The following NFIB variants were observed in gnomAD, a reference collection of about 807,000 sequenced individuals.
NFIB encodes nuclear factor 1 B-type.
Under a neutral mutation model 61.5 loss-of-function variants are expected in NFIB, and 11 were observed. The ratio of observed to expected loss-of-function variants is 0.18; its 90% CI spans 0.11 to 0.30. The LOEUF (loss-of-function observed/expected upper bound fraction) is 0.30. NFIB is among the 10% of genes least tolerant of loss of function. The pLI, the probability that NFIB is intolerant of heterozygous loss-of-function variation, is 1.00. For missense variants in NFIB, 471 were observed against 608.9 expected (o/e 0.77, Z 2.38); for synonymous variants, 260 against 216.5 (o/e 1.20, Z -1.76).
rs2038121870 is a variant in NFIB, at chr9:14,116,277, G to A, written c.1315C>T (p.His439Tyr). 1.3e-6 allele frequency: 2 copies of A among 1,538,196 alleles called. No homozygotes were observed. The highest frequency in any genetic ancestry group is 1.8e-6 in the Non-Finnish European group (2 of 1,140,090). The change falls in exon 9 of 11, where the codon CAT becomes TAT. Residue 439 changes from histidine (H) to tyrosine (Y), a missense_variant. By Grantham distance (83) the His-to-Tyr change is moderately conservative. Transcript: ENST00000380953. ...GTCACAGGTCGCACTGCACTGGGAT[G>A]GGGAGAGGGTGCCAAGACAGGAGTG... Reference protein sequence around the residue: ...HFTPVLAPSPHPSAVRPVTLS... With the variant: ...HFTPVLAPSPYPSAVRPVTLS...
upstream of NFIB, among the ~76,000 whole-genome samples, chr9:14,399,714 T>C (rs2061723573): frequency 6.6e-6 from 1 of 152,220 alleles, no homozygotes; most frequent in Non-Finnish European, 1.5e-5. Flanking sequence ...CTGGTTATTA[T>C]AGTCTTTACT....
chr9:14,375,181 T>C (rs1280483943), intron 1 of NFIB, among the ~76,000 whole-genome samples: 2 of 152,218 alleles, frequency 1.3e-5, no homozygotes, highest in Admixed American at 1.3e-4. Context: ...AGGGCTCATA[T>C]AGTGGTTCCT....
the NFIB span, among the ~76,000 whole-genome samples, chr9:14,454,321 A>C: frequency 6.6e-6 from 1 of 152,222 alleles, no homozygotes; most frequent in South Asian, 2.1e-4. Flanking sequence ...TTATGTTGCT[A>C]TTTAGCTGCA....
chr9:14,312,292 T>C (rs140732564), intron 1 of NFIB, among the ~76,000 whole-genome samples: 132 of 152,354 alleles, frequency 8.7e-4, no homozygotes, highest in African/African-American at 3.1e-3. Context: ...TAATTATTTG[T>C]CCATTATAAA....
chr9:14,182,630 T>C (rs1319585412), intron 2 of NFIB, among the ~76,000 whole-genome samples: 1 of 150,896 alleles, frequency 6.6e-6, no homozygotes, highest in Non-Finnish European at 1.5e-5. Context: ...CAAATTACTC[T>C]ATACCCAAAG....
At chr9:14,385,088 G>C (rs944658380) in intron 1 of NFIB, among the ~76,000 whole-genome samples, 1 of 152,180 alleles carries the variant, frequency 6.6e-6, no homozygotes, top group African/African-American at 2.4e-5. Flanking sequence ...CTCCTAGCAA[G>C]AGCTAACAAT....
At chr9:14,241,087 A>G (rs1202895924) in intron 2 of NFIB, among the ~76,000 whole-genome samples, 1 of 152,242 alleles carries the variant, frequency 6.6e-6, no homozygotes, top group Admixed American at 6.5e-5. Context: ...CATGGCAAGA[A>G]TACACTCAGG....
intron 1 of NFIB, among the ~76,000 whole-genome samples, chr9:14,380,658 C>T (rs970614296): frequency 6.6e-6 from 1 of 152,076 alleles, no homozygotes; most frequent in African/African-American, 2.4e-5. Flanking sequence ...CTGGACACCC[C>T]CCGCCTCTAT....
rs573625763 is a variant in NFIB, at chr9:14,085,191, A to T, written c.*3118T>A. The T allele has an allele frequency of 9.6e-5, 22 of 229,064 alleles. No individual in the cohort carries two copies. Among genetic ancestry groups the T allele is most frequent in the African/African-American group, 4.4e-4 (20 of 45,256 alleles). The allele number at this position is 229,064 out of a possible 1,614,324, so 14.2% of individuals were successfully genotyped here. ...CAAACTGAATGGGCTAATCAAATAC[A>T]ATTCTCCAGCCCATAAGCATTGTTC... is the stretch of plus-strand genomic sequence containing the variant. On this transcript the variant is annotated 3_prime_UTR_variant, in exon 11 of 11. Coordinates refer to ENST00000380953, the MANE Select transcript of NFIB (RefSeq NM_001190737.2).
chr9:14,131,646 T>C (rs2040423165), intron 6 of NFIB, among the ~76,000 whole-genome samples: 1 of 152,210 alleles, frequency 6.6e-6, no homozygotes, highest in African/African-American at 2.4e-5. Context: ...GCAGGGAAAG[T>C]GTGCAGAAAC....
intron 2 of NFIB, chr9:14,300,213 T>C: frequency 2.5e-6 from 1 of 398,514 alleles, no homozygotes; most frequent in Non-Finnish European, 4.4e-6. Flanking sequence ...GTGAGCATGA[T>C]CAGAAGGAAG....
At chr9:14,459,425 C>G in the NFIB span, among the ~76,000 whole-genome samples, 2 of 152,176 alleles carry the variant, frequency 1.3e-5, no homozygotes, top group African/African-American at 4.8e-5. Context: ...TAGAAGAAAA[C>G]CTAGGCAATA....
intron 2 of NFIB, among the ~76,000 whole-genome samples, chr9:14,296,494 A>T (rs900163613): frequency 7.2e-5 from 11 of 152,174 alleles, no homozygotes; most frequent in Non-Finnish European, 1.5e-4. Context: ...CTAACCCCCA[A>T]TCTGATGGTA....
chr9:14,155,932 C>T (rs749767317), intron 3 of NFIB, 39 bp from the exon 4 acceptor site: 2 of 1,287,800 alleles, frequency 1.6e-6, no homozygotes, highest in Non-Finnish European at 2.2e-6. Flanking sequence ...TCAATATAAG[C>T]AGAAAGTAAA....
At chr9:14,328,980 T>G (rs1183311371) in intron 1 of NFIB, among the ~76,000 whole-genome samples, 2 of 152,204 alleles carry the variant, frequency 1.3e-5, no homozygotes, top group African/African-American at 4.8e-5. Context: ...TTTGGGCAAG[T>G]GTTGCACATA....
intron 1 of NFIB, among the ~76,000 whole-genome samples, chr9:14,336,199 G>GA (rs1398646767): frequency 1.3e-5 from 2 of 152,328 alleles, no homozygotes; most frequent in East Asian, 3.9e-4. Context: ...AAGAAACCTT[G>GA]AATCTGCTCA....
chr9:14,497,162 C>G, the NFIB span, among the ~76,000 whole-genome samples: 1 of 152,174 alleles, frequency 6.6e-6, no homozygotes, highest in African/African-American at 2.4e-5. Flanking sequence ...TTCCAGGTAT[C>G]TAGGTTTTTT....
At chr9:14,369,651 A>C (rs936358856) in intron 1 of NFIB, among the ~76,000 whole-genome samples, 2 of 152,142 alleles carry the variant, frequency 1.3e-5, no homozygotes, top group Non-Finnish European at 2.9e-5. Context: ...CTGGCACTCA[A>C]GTTAGAGATT....
At chr9:14,310,696 A>G (rs1217901454) in intron 1 of NFIB, among the ~76,000 whole-genome samples, 1 of 152,206 alleles carries the variant, frequency 6.6e-6, no homozygotes, top group Non-Finnish European at 1.5e-5. Flanking sequence ...GGTAATAGGC[A>G]ACTTTGCTCT....
Sources: allele counts gnomAD v4.1 joint callset (sites outside exome capture counted in the v4.1 genomes callset), GRCh38; gene constraint gnomAD v4.1.1; transcripts MANE v1.5; gene names NCBI Gene and HGNC (gene_info 2026-07-23, HGNC 2026-07-21).